ANKRD27: variants seen among roughly 807,000 people sequenced by gnomAD.
The protein encoded by ANKRD27 is ankyrin repeat domain 27, also known as ankyrin repeat domain-containing protein 27.
Under a neutral mutation model 129.7 loss-of-function variants are expected in ANKRD27, and 112 were observed. The observed-to-expected ratio is 0.86, with a 90% CI of 0.74 to 1.01. ANKRD27 has a LOEUF of 1.01. ANKRD27 is among the 50% of genes least tolerant of loss of function. The probability of loss-of-function intolerance (pLI) is 0.00; values close to 1 mark genes in which losing one functional copy is unlikely to be tolerated. For missense variants in ANKRD27, 1,258 were observed against 1,300.5 expected (o/e 0.97, Z 0.50); for synonymous variants, 516 against 511.2 (o/e 1.01, Z -0.13).
chr19:32,606,122 T>G (rs1018008266), intron 23 of ANKRD27, among the ~76,000 whole-genome samples, 168 bp from the exon 24 acceptor site: 2 of 139,946 alleles, frequency 1.4e-5, no homozygotes, highest in African/African-American at 2.9e-5. Context: ...AGCTTATTTT[T>G]TTGTTGTTGT....
rs1354346196 is a variant in ANKRD27 at position 32,597,373 on chromosome 19, A to G, written c.*772T>C. The G allele has an allele frequency of 6.6e-6, 1 of 152,624 alleles. No individual in the cohort carries two copies. The highest frequency in any genetic ancestry group is 2.4e-5 in the African/African-American group (1 of 41,438). 9.5% of individuals were successfully genotyped at this position (152,624 alleles called of 1,614,324 possible). A position where few individuals can be genotyped will look rare whatever the true frequency, so the allele number is the denominator to read the frequency against. On this transcript the variant is annotated 3_prime_UTR_variant, in exon 29 of 29. Coordinates refer to ENST00000306065, the MANE Select transcript of ANKRD27 (RefSeq NM_032139.3). The stretch of plus-strand genomic sequence containing the variant: ...GACTAAGAAAAGATGTGCCAAATCT[A>G]CTCTCTAATCCAGTAACCATCCCGT...
chr19:32,669,130 C>A (rs560095455), intron 1 of ANKRD27, among the ~76,000 whole-genome samples: 20 of 152,236 alleles, frequency 1.3e-4, no homozygotes, highest in Admixed American at 9.8e-4. Flanking sequence ...TATTTTATTT[C>A]AACAGAAGAA....
intron 22 of ANKRD27, among the ~76,000 whole-genome samples, chr19:32,613,887 T>C (rs899725876): frequency 6.6e-6 from 1 of 152,016 alleles, no homozygotes; most frequent in Non-Finnish European, 1.5e-5. Flanking sequence ...TTTTTGTATA[T>C]TTAGTAGAGA....
intron 1 of ANKRD27, among the ~76,000 whole-genome samples, chr19:32,663,790 C>T (rs1176947789): frequency 1.3e-5 from 2 of 152,174 alleles, no homozygotes; most frequent in East Asian, 1.9e-4. Flanking sequence ...GGTGTGGTGG[C>T]TCACGCCTGT....
At chr19:32,608,135 C>T (rs1189097084) in intron 22 of ANKRD27, among the ~76,000 whole-genome samples, 1 of 151,438 alleles carries the variant, frequency 6.6e-6, no homozygotes, top group East Asian at 1.9e-4. Context: ...TCCCAAGTAG[C>T]TAGGTCCACA....
Position 32,599,977 on chromosome 19 carries a change from C to T in ANKRD27, c.2841G>A (p.Gln947=), listed in dbSNP as rs1298971558. The T allele has an allele frequency of 6.2e-7, 1 of 1,612,080 alleles. No individual in the cohort carries two copies. The highest frequency in any genetic ancestry group is 1.7e-5 in the Admixed American group (1 of 59,860). Residue 947 remains glutamine, a synonymous_variant, in exon 27 of 29, where the codon CAG becomes CAA. Coordinates refer to ENST00000306065, the MANE Select transcript of ANKRD27 (RefSeq NM_032139.3). ...RQFYFVHSAG[Q]FKGKTSREIM... ...AACTTGAGTTTCATACTCACTTAAA[C>T]TGACCAGCTGAGTGGACAAAGTAAA...
At chr19:32,667,630 G>A (rs1317982731) in intron 1 of ANKRD27, among the ~76,000 whole-genome samples, 3 of 152,088 alleles carry the variant, frequency 2.0e-5, no homozygotes, top group African/African-American at 2.4e-5. Flanking sequence ...CGAGGTGGGC[G>A]GATCCAGCCT....
rs1352674893 is a variant in ANKRD27, at chr19:32,627,383, TTTATTTATTTATTTA to T, written c.1421-571_1421-557del. Reference sequence around the variant, plus strand: ...TTTATTTTATTTATTTATTTATTTATTTATTTATTTATTTATTTATTTATTTATTTTTTGAGACAG... The same window carrying T: ...TTTATTTTATTTATTTATTTATTTATTTTATTTATTTATTTTTTGAGACAG... On this transcript the variant is annotated intron_variant, in intron 15 of 28. Coordinates refer to ENST00000306065, the MANE Select transcript of ANKRD27 (RefSeq NM_032139.3). Among the ~76,000 whole-genome samples, 28 of 77,404 alleles carry T rather than the reference TTTATTTATTTATTTA, an allele frequency of 3.6e-4. No homozygotes were observed. In the South Asian group the frequency reaches 3.7e-3, roughly 10 times the overall value. The allele number at this position is 77,404 out of a possible 152,430, so 50.8% of individuals were successfully genotyped here.
In ANKRD27 at chr19:32,598,353, C is replaced by A. The variant is rs200475662; in HGVS notation, c.2945G>T (p.Arg982Ile). Residue 982 changes from arginine to isoleucine, a missense_variant, in exon 29 of 29, where the codon AGA becomes ATA. Arg to Ile is a moderately conservative substitution (Grantham distance 97). Coordinates refer to ENST00000306065, the MANE Select transcript of ANKRD27 (RefSeq NM_032139.3). The stretch of plus-strand genomic sequence containing the variant: ...ACTCTGAGCTGGCAGGTTATTCTGT[C>A]TCAGTGTGACACTTTGCCTCCCTGG... ...HEPGRQSVTLRQNNLPAQSGS... is the reference protein window; with the variant it reads ...HEPGRQSVTLIQNNLPAQSGS... 1.2e-6 allele frequency: 2 copies of A among 1,614,080 alleles called. No homozygotes were observed. Among genetic ancestry groups the A allele is most frequent in the Non-Finnish European group, 1.7e-6 (2 of 1,180,054 alleles).
At chr19:32,639,624 G>C in intron 11 of ANKRD27, 136 bp from the exon 12 acceptor site, 1 of 848,208 alleles carries the variant, frequency 1.2e-6, no homozygotes, top group South Asian at 1.6e-5. Flanking sequence ...ACCATCCCCT[G>C]GATCTCTCTG....
intron 3 of ANKRD27, among the ~76,000 whole-genome samples, chr19:32,647,401 T>TG (rs1326608400): frequency 6.6e-6 from 1 of 152,188 alleles, no homozygotes; most frequent in Admixed American, 6.5e-5. Context: ...ATGTTAACCA[T>TG]GGGGTATGTG....
At chr19:32,645,924 C>T (rs1433134755) in intron 4 of ANKRD27, among the ~76,000 whole-genome samples, 1 of 152,014 alleles carries the variant, frequency 6.6e-6, no homozygotes, top group African/African-American at 2.4e-5. Flanking sequence ...GCGTGAGCCA[C>T]CACGCCCAGC....
chr19:32,628,054 C>T, intron 15 of ANKRD27, 29 bp downstream of exon 15: 1 of 1,607,146 alleles, frequency 6.2e-7, no homozygotes, highest in East Asian at 2.2e-5. Context: ...GCTGTGACAG[C>T]CCCTAGGGGC....
chr19:32,598,486 G>A (rs1971604104), intron 28 of ANKRD27, 108 bp from the exon 29 acceptor site: 5 of 959,466 alleles, frequency 5.2e-6, no homozygotes, highest in African/African-American at 1.6e-5. Context: ...AATGTGCTCA[G>A]TGCTTGACAG....
Position 32,605,690 on chromosome 19 carries a change from C to T in ANKRD27, c.2493+145G>A, listed in dbSNP as rs184457258. 1.1e-3 allele frequency: 1,239 copies of T among 1,111,660 alleles called. 1 individual carries two copies. Among genetic ancestry groups the T allele is most frequent in the African/African-American group, 9.8e-3 (620 of 62,972 alleles). The allele number at this position is 1,111,660 out of a possible 1,614,324, so 68.9% of individuals were successfully genotyped here. Reference sequence around the variant, plus strand: ...CATCGGAGAACCCCGTGTGGGAAGACGCACGCCCTGCTCCTCTCCCCAGAG... The same window carrying T: ...CATCGGAGAACCCCGTGTGGGAAGATGCACGCCCTGCTCCTCTCCCCAGAG... On this transcript the variant is annotated intron_variant, in intron 24 of 28. Coordinates refer to ENST00000306065, the MANE Select transcript of ANKRD27 (RefSeq NM_032139.3).
intron 11 of ANKRD27, among the ~76,000 whole-genome samples, 153 bp downstream of exon 11, chr19:32,640,154 G>A (rs1967168577): frequency 6.6e-6 from 1 of 152,068 alleles, no homozygotes; most frequent in Admixed American, 6.6e-5. Flanking sequence ...TAGTAGAGAC[G>A]GGGTTTCACC....
chr19:32,604,867 G>A (rs1193742278), intron 24 of ANKRD27, among the ~76,000 whole-genome samples: 1 of 151,918 alleles, frequency 6.6e-6, no homozygotes, highest in Non-Finnish European at 1.5e-5. Context: ...AGACCAGCCT[G>A]GCCAACATAG....
intron 1 of ANKRD27, among the ~76,000 whole-genome samples, chr19:32,674,511 G>C (rs1967940010): frequency 6.6e-6 from 1 of 152,182 alleles, no homozygotes; most frequent in African/African-American, 2.4e-5. Context: ...TCAGAATCCG[G>C]AACATCTCTC....
chr19:32,627,306 G>A (rs970757527), intron 15 of ANKRD27, among the ~76,000 whole-genome samples: 5 of 152,132 alleles, frequency 3.3e-5, no homozygotes, highest in African/African-American at 1.2e-4. Context: ...CTGGGAGACA[G>A]GGATGGCCGG....
Sources: allele counts gnomAD v4.1 joint callset (sites outside exome capture counted in the v4.1 genomes callset), GRCh38; gene constraint gnomAD v4.1.1; transcripts MANE v1.5; gene names NCBI Gene and HGNC (gene_info 2026-07-23, HGNC 2026-07-21).